Variants in AGBL4 observed in about 807,000 individuals in gnomAD.
AGBL4 encodes cytosolic carboxypeptidase 6.
Under a neutral mutation model 66.4 loss-of-function variants are expected in AGBL4, and 58 were observed. The observed-to-expected ratio is 0.87, with a 90% CI of 0.71 to 1.09. AGBL4 has a LOEUF of 1.09. AGBL4 is among the 50% of genes least tolerant of loss of function. The pLI is 0.00. For synonymous variants in AGBL4, 234 were observed against 222.9 expected, an observed-to-expected ratio of 1.05 and a Z score of -0.44; for missense variants, 579 against 631.0, an observed-to-expected ratio of 0.92 and a Z score of 0.88.
chr1:49,587,469 C>A (rs1644672895), intron 3 of AGBL4, among the ~76,000 whole-genome samples: 1 of 152,140 alleles, frequency 6.6e-6, no homozygotes, highest in African/African-American at 2.4e-5. Flanking sequence ...TGGTTTTATT[C>A]ACCTCTGTAT....
At chr1:49,608,485 C>T (rs1645098816) in intron 3 of AGBL4, among the ~76,000 whole-genome samples, 1 of 152,140 alleles carries the variant, frequency 6.6e-6, no homozygotes, top group Non-Finnish European at 1.5e-5. Context: ...TGCCTTATTA[C>T]CAGTCCCATC....
intron 5 of AGBL4, among the ~76,000 whole-genome samples, chr1:48,957,074 T>A (rs1657511933): frequency 6.6e-6 from 1 of 152,194 alleles, no homozygotes; most frequent in Non-Finnish European, 1.5e-5. Context: ...TAAACTCCCA[T>A]GTTTTAACCC....
intron 4 of AGBL4, among the ~76,000 whole-genome samples, chr1:49,211,020 C>A (rs1440253209): frequency 6.6e-6 from 1 of 152,044 alleles, no homozygotes; most frequent in Non-Finnish European, 1.5e-5. Context: ...CCACCTTTCA[C>A]TTAGAAGTAC....
intron 9 of AGBL4, among the ~76,000 whole-genome samples, chr1:48,595,802 C>T (rs1333956422): frequency 6.6e-6 from 1 of 152,172 alleles, no homozygotes; most frequent in East Asian, 1.9e-4. Context: ...TCACTTGGCA[C>T]AGGCCAAAAC....
intron 2 of AGBL4, among the ~76,000 whole-genome samples, chr1:49,805,509 T>G (rs1644956648): frequency 6.6e-6 from 1 of 152,136 alleles, no homozygotes; most frequent in Non-Finnish European, 1.5e-5. Context: ...TAACAGCATA[T>G]TTGTATGCCA....
chr1:49,380,172 T>C (rs9728473), intron 3 of AGBL4, among the ~76,000 whole-genome samples: 91,692 of 151,800 alleles, frequency 0.6, 28,325 homozygotes, highest in Middle Eastern at 0.67. Flanking sequence ...ACAAAATCAA[T>C]GTACAAAAAT....
chr1:49,652,689 C>T (rs1433540048), intron 3 of AGBL4, among the ~76,000 whole-genome samples: 1 of 152,138 alleles, frequency 6.6e-6, no homozygotes, highest in Non-Finnish European at 1.5e-5. Context: ...GGAGCAATTC[C>T]CCACAGCGCA....
intron 3 of AGBL4, among the ~76,000 whole-genome samples, chr1:49,368,354 CTTT>C (rs921752187): frequency 7.2e-5 from 11 of 152,202 alleles, no homozygotes; most frequent in Non-Finnish European, 1.3e-4. Context: ...ATAGAAAACA[CTTT>C]TTTACGTTCC....
intron 1 of AGBL4, among the ~76,000 whole-genome samples, chr1:49,865,126 A>C (rs2148095982): frequency 6.6e-6 from 1 of 152,272 alleles, no homozygotes; most frequent in African/African-American, 2.4e-5. Flanking sequence ...GGAGCCACTA[A>C]GGAGAGGGGC....
intron 3 of AGBL4, among the ~76,000 whole-genome samples, chr1:49,573,314 G>A (rs1343049841): frequency 6.6e-6 from 1 of 151,882 alleles, no homozygotes; most frequent in African/African-American, 2.4e-5. Flanking sequence ...TCTGGAATTG[G>A]CTGCTTAATA....
intron 1 of AGBL4, among the ~76,000 whole-genome samples, chr1:49,969,566 ACTT>A (rs1657876964): frequency 6.6e-6 from 1 of 151,566 alleles, no homozygotes; most frequent in South Asian, 2.1e-4. Context: ...CCTACTATCT[ACTT>A]CTTCTATGGC....
At chr1:49,967,630 C>T (rs1462599066) in intron 1 of AGBL4, among the ~76,000 whole-genome samples, 1 of 151,768 alleles carries the variant, frequency 6.6e-6, no homozygotes, top group Non-Finnish European at 1.5e-5. Context: ...AACTGCAGAA[C>T]TTAAAGTATA....
chr1:49,695,688 T>C (rs2124610108), intron 3 of AGBL4, among the ~76,000 whole-genome samples: 1 of 152,214 alleles, frequency 6.6e-6, no homozygotes, highest in South Asian at 2.1e-4. Context: ...GGTGTAACTT[T>C]TTCTCCCTTG....
At chr1:49,706,024 G>A (rs1647207969) in intron 2 of AGBL4, among the ~76,000 whole-genome samples, 1 of 151,512 alleles carries the variant, frequency 6.6e-6, no homozygotes. Context: ...TTTTTGTCGT[G>A]TCTGCCAGGT....
intron 5 of AGBL4, among the ~76,000 whole-genome samples, chr1:48,923,067 A>G (rs1283743966): frequency 4.4e-5 from 4 of 90,002 alleles, no homozygotes; most frequent in African/African-American, 2.9e-4. Context: ...TGGATATATA[A>G]ACAGAAATTA....
intron 3 of AGBL4, among the ~76,000 whole-genome samples, chr1:49,353,912 G>A (rs922909416): frequency 7.9e-5 from 12 of 152,074 alleles, no homozygotes; most frequent in Non-Finnish European, 1.3e-4. Context: ...CAATCATCCT[G>A]CTGAGAGCCA....
At chr1:49,863,043 T>C (rs1469233096) in intron 1 of AGBL4, among the ~76,000 whole-genome samples, 1 of 152,104 alleles carries the variant, frequency 6.6e-6, no homozygotes, top group Non-Finnish European at 1.5e-5. Context: ...GGAAAAATTA[T>C]ACTACAAAAC....
chr1:49,773,365 A>C (rs2147888362), intron 2 of AGBL4, among the ~76,000 whole-genome samples: 1 of 152,110 alleles, frequency 6.6e-6, no homozygotes, highest in African/African-American at 2.4e-5. Context: ...TGCTTTTTCA[A>C]GTTTCTTGTG....
At chr1:49,239,257 G>A (rs1444262572) in intron 4 of AGBL4, among the ~76,000 whole-genome samples, 1 of 152,072 alleles carries the variant, frequency 6.6e-6, no homozygotes, top group Non-Finnish European at 1.5e-5. Flanking sequence ...AACTGATGCA[G>A]TGATAGACCA....
Sources: allele counts gnomAD v4.1 joint callset (sites outside exome capture counted in the v4.1 genomes callset), GRCh38; gene constraint gnomAD v4.1.1; transcripts MANE v1.5; gene names NCBI Gene and HGNC (gene_info 2026-07-23, HGNC 2026-07-21).